The following ANKRD30BL variants were observed in gnomAD, a reference collection of about 807,000 sequenced individuals.
ANKRD30BL encodes ankyrin repeat domain 30B like.
ANKRD30BL carries 20 observed loss-of-function variants against 18.4 expected under a neutral mutation model. The observed-to-expected ratio is 1.09, with a 90% CI of 0.77 to 1.58. The LOEUF is 1.58. Ranked by LOEUF, ANKRD30BL falls within the 40% of genes most tolerant of loss-of-function variation. The pLI is 0.00. For missense variants in ANKRD30BL, 224 were observed against 268.6 expected (o/e 0.83, Z 1.16); for synonymous variants, 72 against 100.9 (o/e 0.71, Z 1.72).
intron 1 of ANKRD30BL, among the ~76,000 whole-genome samples, chr2:132,224,939 A>G (rs1441641374): frequency 2.0e-5 from 3 of 152,074 alleles, no homozygotes; most frequent in Non-Finnish European, 2.9e-5. Flanking sequence ...GGAAGTGGAC[A>G]TTTGGAGTGT....
chr2:132,236,643 G>A (rs1368292603), intron 1 of ANKRD30BL, among the ~76,000 whole-genome samples: 1 of 152,172 alleles, frequency 6.6e-6, no homozygotes, highest in African/African-American at 2.4e-5. Flanking sequence ...TGGAGACGAT[G>A]TGGAGAAATA....
intron 1 of ANKRD30BL, among the ~76,000 whole-genome samples, chr2:132,182,583 G>A (rs1688488292): frequency 6.6e-6 from 1 of 151,990 alleles, no homozygotes; most frequent in Non-Finnish European, 1.5e-5. Context: ...TTAATAATGA[G>A]TTATTGCACA....
At chr2:132,164,269 CTTTT>C (rs796313755), upstream of ANKRD30BL, among the ~76,000 whole-genome samples, 13,568 of 111,138 alleles carry the variant, frequency 0.12, 801 homozygotes, top group East Asian at 0.25. Flanking sequence ...TTTTCTTTTT[CTTTT>C]TTTTTTTTTT....
At chr2:132,153,959 A>G (rs914436025) in intron 4 of ANKRD30BL, among the ~76,000 whole-genome samples, 1 of 152,212 alleles carries the variant, frequency 6.6e-6, no homozygotes, top group African/African-American at 2.4e-5. Context: ...TAAAAGAGGC[A>G]AAGTTTTAAG....
At chr2:132,167,975 A>G (rs1044499456) in intron 1 of ANKRD30BL, among the ~76,000 whole-genome samples, 1 of 152,158 alleles carries the variant, frequency 6.6e-6, no homozygotes, top group Admixed American at 6.5e-5. Context: ...AAGAATAAAA[A>G]AACTTTTTAA....
At chr2:132,232,529 G>A (rs1413664560) in intron 1 of ANKRD30BL, among the ~76,000 whole-genome samples, 3 of 152,132 alleles carry the variant, frequency 2.0e-5, no homozygotes, top group Non-Finnish European at 4.4e-5. Flanking sequence ...CGAGAACTAC[G>A]TGAAGAATGC....
intron 1 of ANKRD30BL, among the ~76,000 whole-genome samples, chr2:132,238,346 G>T (rs13420456): frequency 6.6e-6 from 1 of 151,850 alleles, no homozygotes; most frequent in Non-Finnish European, 1.5e-5. Context: ...TCTTTGTGAC[G>T]TGTGCATTCA....
intron 1 of ANKRD30BL, chr2:132,256,847 A>C (rs1366319164): frequency 2.0e-4 from 86 of 422,866 alleles, no homozygotes; most frequent in Non-Finnish European, 3.7e-4. Context: ...ACCACAGCCT[A>C]AGGCGGTGAG....
intron 1 of ANKRD30BL, among the ~76,000 whole-genome samples, chr2:132,181,915 C>A (rs964123900): frequency 1.3e-5 from 2 of 151,916 alleles, no homozygotes; most frequent in African/African-American, 4.8e-5. Flanking sequence ...AGTTTGAGAC[C>A]AGCCTGACCA....
chr2:132,198,762 C>T (rs775678748), intron 1 of ANKRD30BL, among the ~76,000 whole-genome samples: 4 of 151,884 alleles, frequency 2.6e-5, no homozygotes, highest in African/African-American at 9.7e-5. Flanking sequence ...GGATTACAGG[C>T]GCCCACCACC....
intron 1 of ANKRD30BL, among the ~76,000 whole-genome samples, chr2:132,219,261 C>A (rs1422230109): frequency 6.6e-6 from 1 of 151,818 alleles, no homozygotes; most frequent in South Asian, 2.1e-4. Context: ...TTCACAGGAT[C>A]TGCAAGTGGA....
chr2:132,203,062 G>A (rs1268435095), intron 1 of ANKRD30BL, among the ~76,000 whole-genome samples: 1 of 152,264 alleles, frequency 6.6e-6, no homozygotes, highest in Non-Finnish European at 1.5e-5. Flanking sequence ...CAAACAGGAA[G>A]GGCTTTTGTA....
At chr2:132,195,043 A>T (rs2104741440) in intron 1 of ANKRD30BL, among the ~76,000 whole-genome samples, 1 of 152,336 alleles carries the variant, frequency 6.6e-6, no homozygotes, top group Non-Finnish European at 1.5e-5. Flanking sequence ...GGTAGGCTAT[A>T]GAAGAAGGCC....
At chr2:132,256,374 G>A (rs1316692033) in intron 1 of ANKRD30BL, among the ~76,000 whole-genome samples, 3 of 151,960 alleles carry the variant, frequency 2.0e-5, no homozygotes, top group Admixed American at 1.3e-4. Context: ...AAAACCCCCC[G>A]ACGGGCTCAC....
chr2:132,185,048 G>A lies in ANKRD30BL; in HGVS notation n.442-27902C>T, dbSNP rs192216787. Among the ~76,000 whole-genome samples, 591 of 152,114 alleles carry A rather than the reference G, an allele frequency of 3.9e-3. 12 individuals are homozygous for A. The highest frequency in any genetic ancestry group is 0.013 in the African/African-American group (555 of 41,484). ...AGGATGGACTCGATCTCCTGACCTCGTGATCCACGTGCCTCAGCCTCCCAA... is the reference window on the plus strand; with the variant it reads ...AGGATGGACTCGATCTCCTGACCTCATGATCCACGTGCCTCAGCCTCCCAA... On this transcript the variant is annotated intron_variant and non_coding_transcript_variant, in intron 1 of 4. Coordinates refer to the ANKRD30BL transcript ENST00000470729.
intron 1 of ANKRD30BL, among the ~76,000 whole-genome samples, chr2:132,226,412 TCA>T (rs1679847173): frequency 6.6e-6 from 1 of 150,832 alleles, no homozygotes; most frequent in African/African-American, 2.5e-5. Context: ...TGCATTCTTC[TCA>T]CAGAGTTGAA....
chr2:132,196,104 T>G (rs1271444687), intron 1 of ANKRD30BL, among the ~76,000 whole-genome samples: 3 of 144,362 alleles, frequency 2.1e-5, no homozygotes, highest in Non-Finnish European at 3.0e-5. Context: ...ATCGCGCCAC[T>G]GCACGCCAGC....
intron 1 of ANKRD30BL, among the ~76,000 whole-genome samples, chr2:132,170,257 C>T (rs1688254270): frequency 1.3e-5 from 2 of 152,108 alleles, no homozygotes; most frequent in South Asian, 4.2e-4. Context: ...GTCACACAGC[C>T]TTGAAATATT....
At chr2:132,253,978 G>A (rs76502450) in intron 1 of ANKRD30BL, among the ~76,000 whole-genome samples, 3 of 151,800 alleles carry the variant, frequency 2.0e-5, no homozygotes, top group Admixed American at 6.6e-5. Context: ...GATGGGGCTG[G>A]GACAGTGGGA....
Sources: allele counts gnomAD v4.1 joint callset (sites outside exome capture counted in the v4.1 genomes callset), GRCh38; gene constraint gnomAD v4.1.1; transcripts MANE v1.5; gene names NCBI Gene and HGNC (gene_info 2026-07-23, HGNC 2026-07-21).